The following MGST2 variants were observed in gnomAD, a reference collection of about 807,000 sequenced individuals.
MGST2 encodes glutathione peroxidase MGST2.
In MGST2, 9 loss-of-function variants were observed where a neutral mutation model predicts 16.6. The ratio of observed to expected loss-of-function variants is 0.54; its 90% CI spans 0.33 to 0.95. The LOEUF (loss-of-function observed/expected upper bound fraction) is 0.95, where lower values mean the gene tolerates loss of function less well. Among genes scored for constraint, MGST2 ranks in the 40% least tolerant of loss-of-function variants. MGST2 has a pLI of 0.03. For missense variants in MGST2, 159 were observed against 175.1 expected, an observed-to-expected ratio of 0.91 and a Z score of 0.52; for synonymous variants, 79 against 68.0, an observed-to-expected ratio of 1.16 and a Z score of -0.79.
At chr4:139,749,308 A>C in the MGST2 span, among the ~76,000 whole-genome samples, 1 of 152,232 alleles carries the variant, frequency 6.6e-6, no homozygotes, top group African/African-American at 2.4e-5. Flanking sequence ...ATGCAAAAAA[A>C]GTTTTCTCTA....
intron 1 of MGST2, among the ~76,000 whole-genome samples, chr4:139,666,541 G>A (rs560546714): frequency 6.6e-6 from 1 of 152,170 alleles, no homozygotes; most frequent in Admixed American, 6.5e-5. Context: ...TGCCTATGGT[G>A]GTATGATTAT....
the MGST2 span, among the ~76,000 whole-genome samples, chr4:139,753,678 T>C: frequency 6.6e-6 from 1 of 152,194 alleles, no homozygotes; most frequent in Non-Finnish European, 1.5e-5. Context: ...AGGTGAGAAT[T>C]AATAAGTTTA....
At chr4:139,674,464 T>C (rs996685921) in intron 1 of MGST2, among the ~76,000 whole-genome samples, 1 of 151,754 alleles carries the variant, frequency 6.6e-6, no homozygotes, top group African/African-American at 2.4e-5. Flanking sequence ...GAGGGAGCTA[T>C]GTAGTTTTTT....
chr4:139,732,211 G>A (rs527367920), intron 5 of MGST2, among the ~76,000 whole-genome samples: 4 of 152,148 alleles, frequency 2.6e-5, no homozygotes, highest in African/African-American at 9.6e-5. Context: ...TGCAGATACC[G>A]TTAAACATAT....
rs70943436 is a variant in MGST2 at position 139,702,844 on chromosome 4, GTTTTTT to G, written c.230-590_230-585del. 1.1e-3 allele frequency among the ~76,000 whole-genome samples: 50 copies of G among 46,452 alleles called. 2 individuals carry two copies. Among genetic ancestry groups the G allele is most frequent in the South Asian group, 7.2e-3 (5 of 690 alleles). The allele number at this position is 46,452 out of a possible 152,430, so 30.5% of individuals were successfully genotyped here. ...TCCTCACCAACATTTTGTGTTACTGGTTTTTTTTTTTTTTTTTTTTTTTTTTACAAT... is the reference window on the plus strand; with the variant it reads ...TCCTCACCAACATTTTGTGTTACTGGTTTTTTTTTTTTTTTTTTTTACAAT... On this transcript the variant is annotated intron_variant, in intron 3 of 4. Transcript: ENST00000265498.
At chr4:139,708,892 C>T (rs1727622777), downstream of MGST2, among the ~76,000 whole-genome samples, 1 of 151,162 alleles carries the variant, frequency 6.6e-6, no homozygotes, top group Non-Finnish European at 1.5e-5. Context: ...ATCTCAGCTA[C>T]TCTGGAGGCT....
downstream of MGST2, among the ~76,000 whole-genome samples, chr4:139,742,550 G>A (rs773518826): frequency 6.6e-6 from 1 of 152,144 alleles, no homozygotes; most frequent in Non-Finnish European, 1.5e-5. Flanking sequence ...TCTTAGTATC[G>A]TCCCTATTAA....
chr4:139,731,145 C>T (rs1302461579), intron 5 of MGST2: 4 of 166,682 alleles, frequency 2.4e-5, no homozygotes. Flanking sequence ...ATTTGTTAAT[C>T]AACAGATCTG....
At chr4:139,719,702 G>A (rs777731210) in intron 5 of MGST2, 2 of 1,613,588 alleles carry the variant, frequency 1.2e-6, no homozygotes, top group Non-Finnish European at 1.7e-6. Context: ...GCCCGTGTTA[G>A]CATCCACGAC....
chr4:139,744,862 G>A (rs1361903947), downstream of MGST2, among the ~76,000 whole-genome samples: 2 of 152,202 alleles, frequency 1.3e-5, no homozygotes, highest in African/African-American at 2.4e-5. Context: ...GACCAGACCC[G>A]GGATGGGCAG....
intron 5 of MGST2, among the ~76,000 whole-genome samples, chr4:139,711,943 G>A (rs1269042769): frequency 4.6e-5 from 7 of 152,188 alleles, no homozygotes; most frequent in Admixed American, 2.6e-4. Flanking sequence ...GTATAGAGGA[G>A]CTCAGTCAGA....
intron 3 of MGST2, among the ~76,000 whole-genome samples, chr4:139,700,648 C>G (rs1193092388): frequency 2.0e-5 from 3 of 152,166 alleles, no homozygotes; most frequent in African/African-American, 7.2e-5. Context: ...AGTATTTGTA[C>G]CAACAACCCA....
chr4:139,730,329 G>T, intron 5 of MGST2: 1 of 1,200,424 alleles, frequency 8.3e-7, no homozygotes, highest in South Asian at 1.4e-5. Flanking sequence ...TGGAGGATGT[G>T]AACTGCCACT....
At position 139,695,223 on chromosome 4, in the gene MGST2, T is replaced by C. The variant is rs1160643486; in HGVS notation, c.185T>C (p.Ile62Thr). ...CAAAACTGTGTGGAGTTTTATCCTA[T>C]ATTCATAATTACATTGTGGATGGCT... ...AQQNCVEFYPIFIITLWMAGW... is the reference protein window; with the variant it reads ...AQQNCVEFYPTFIITLWMAGW... The change falls in exon 3 of 5, where the codon ATA becomes ACA. Residue 62 changes from isoleucine to threonine, a missense_variant. By Grantham distance (89) the Ile-to-Thr change is moderately conservative (BLOSUM62 -1). Coordinates refer to ENST00000265498, the MANE Select transcript of MGST2 (RefSeq NM_002413.5). The C allele has an allele frequency of 6.2e-7, 1 of 1,613,366 alleles. No individual in the cohort carries two copies. The highest frequency in any genetic ancestry group is 1.1e-5 in the South Asian group (1 of 91,066).
intron 2 of MGST2, among the ~76,000 whole-genome samples, chr4:139,694,803 G>A (rs1302318272): frequency 2.0e-5 from 3 of 152,188 alleles, no homozygotes; most frequent in Non-Finnish European, 2.9e-5. Flanking sequence ...AGACCATTTT[G>A]TAATGTTCTG....
intron 5 of MGST2, among the ~76,000 whole-genome samples, chr4:139,725,567 T>C (rs1728434285): frequency 6.6e-6 from 1 of 152,216 alleles, no homozygotes; most frequent in Non-Finnish European, 1.5e-5. Flanking sequence ...GGTTAATGCC[T>C]GGCACAACAG....
chr4:139,697,085 G>C (rs1726966353), intron 3 of MGST2, among the ~76,000 whole-genome samples: 2 of 152,088 alleles, frequency 1.3e-5, no homozygotes, highest in Non-Finnish European at 2.9e-5. Context: ...CCAGAGAAGG[G>C]GTTCTTGTTG....
the MGST2 span, among the ~76,000 whole-genome samples, chr4:139,754,146 T>C: frequency 2.6e-5 from 4 of 152,256 alleles, no homozygotes; most frequent in African/African-American, 4.8e-5. Flanking sequence ...CTGCAAAACT[T>C]GAACAAGTGC....
chr4:139,714,832 G>A (rs1727880307), intron 5 of MGST2, among the ~76,000 whole-genome samples: 1 of 152,200 alleles, frequency 6.6e-6, no homozygotes, highest in East Asian at 1.9e-4. Context: ...GCTGCTGTCG[G>A]TGGAGCAAGG....
Sources: allele counts gnomAD v4.1 joint callset (sites outside exome capture counted in the v4.1 genomes callset), GRCh38; gene constraint gnomAD v4.1.1; transcripts MANE v1.5; gene names NCBI Gene and HGNC (gene_info 2026-07-23, HGNC 2026-07-21).